USP33: variants seen among roughly 807,000 people sequenced by gnomAD.
The protein encoded by USP33 is ubiquitin carboxyl-terminal hydrolase 33.
USP33 carries 46 observed loss-of-function variants against 124.2 expected under a neutral mutation model. The ratio of observed to expected loss-of-function variants is 0.37; its 90% confidence interval spans 0.29 to 0.47. The LOEUF (loss-of-function observed/expected upper bound fraction) is 0.47. Ranked by LOEUF, USP33 falls within the 20% of genes least tolerant of loss-of-function variation. USP33 has a pLI of 0.99. For synonymous variants in USP33, 350 were observed against 352.3 expected (o/e 0.99, Z 0.07); for missense variants, 851 against 1,070.6 (o/e 0.79, Z 2.86).
intron 23 of USP33, 104 bp from the exon 24 acceptor site, chr1:77,697,578 A>T: frequency 7.5e-7 from 1 of 1,329,498 alleles, no homozygotes; most frequent in Non-Finnish European, 1.0e-6. Context: ...GATAATTGAG[A>T]ACTTCTGGAA....
At chr1:77,752,906 T>C (rs1018163047) in intron 1 of USP33, among the ~76,000 whole-genome samples, 2 of 151,576 alleles carry the variant, frequency 1.3e-5, no homozygotes, top group East Asian at 3.9e-4. Context: ...GGTGAAACCC[T>C]GTCTCTACTA....
chr1:77,741,488 A>T (rs1195758935), intron 2 of USP33, 59 bp from the exon 3 acceptor site: 2 of 1,546,700 alleles, frequency 1.3e-6, no homozygotes, highest in African/African-American at 2.8e-5. Flanking sequence ...CATACAATTC[A>T]CTAATGCACT....
In USP33 at chr1:77,714,787, T is replaced by C. The variant is rs1302392424; in HGVS notation, c.2046-4A>G. 6.2e-7 allele frequency: 1 copy of C among 1,609,212 alleles called. No individual in the cohort carries two copies. The highest frequency in any genetic ancestry group is 1.3e-5 in the African/African-American group (1 of 74,584). On this transcript the variant is annotated splice_region_variant and splice_polypyrimidine_tract_variant and intron_variant, in intron 18 of 23. Transcript: ENST00000370794. ...TTGTGCCTCTTCGCTGCTCTTCCTA[T>C]TAAGGACAATGATTAGTTAAATTCA... is the stretch of plus-strand genomic sequence containing the variant.
intron 1 of USP33, among the ~76,000 whole-genome samples, chr1:77,758,426 G>A (rs1021991387): frequency 1.3e-5 from 2 of 151,854 alleles, no homozygotes; most frequent in Non-Finnish European, 2.9e-5. Flanking sequence ...CGTGATCGTC[G>A]GCCTCCCAGA....
At chr1:77,740,592 G>A (rs1679015031) in intron 4 of USP33, among the ~76,000 whole-genome samples, 1 of 152,164 alleles carries the variant, frequency 6.6e-6, no homozygotes, top group Non-Finnish European at 1.5e-5. Flanking sequence ...CTGACCTCAG[G>A]TGATCCACCT....
chr1:77,705,801 T>C (rs977759576), intron 21 of USP33, among the ~76,000 whole-genome samples: 8 of 152,228 alleles, frequency 5.3e-5, no homozygotes, highest in Non-Finnish European at 8.8e-5. Flanking sequence ...CCACAAAAGC[T>C]GTCTTGCACC....
chr1:77,735,736 C>T (rs1557854720), intron 6 of USP33, among the ~76,000 whole-genome samples: 1 of 152,090 alleles, frequency 6.6e-6, no homozygotes, highest in Non-Finnish European at 1.5e-5. Context: ...AAGGGAATAC[C>T]TTTATACCTA....
At chr1:77,757,785 T>A (rs1488748055) in intron 1 of USP33, among the ~76,000 whole-genome samples, 1 of 152,244 alleles carries the variant, frequency 6.6e-6, no homozygotes, top group Non-Finnish European at 1.5e-5. Flanking sequence ...GAAATTCTGA[T>A]CCTTACACAA....
intron 1 of USP33, among the ~76,000 whole-genome samples, chr1:77,755,976 C>G (rs1299005366): frequency 6.6e-6 from 1 of 152,172 alleles, no homozygotes; most frequent in East Asian, 1.9e-4. Flanking sequence ...TCATCACTCT[C>G]CTGAATACTA....
chr1:77,751,418 T>C (rs998687249), intron 1 of USP33, among the ~76,000 whole-genome samples: 2 of 152,116 alleles, frequency 1.3e-5, no homozygotes, highest in African/African-American at 4.8e-5. Flanking sequence ...TTTAGGAGAC[T>C]GAGGCGGGAG....
chr1:77,734,132 A>C (rs946559725), intron 7 of USP33, among the ~76,000 whole-genome samples: 35 of 152,294 alleles, frequency 2.3e-4, no homozygotes, highest in African/African-American at 8.2e-4. Context: ...GCTCAAAGAC[A>C]CACAACTACC....
chr1:77,748,732 T>C (rs1385318236), intron 1 of USP33, among the ~76,000 whole-genome samples: 2 of 151,468 alleles, frequency 1.3e-5, no homozygotes, highest in Non-Finnish European at 2.9e-5. Context: ...AAATTTTGCA[T>C]TTCTGGGCAT....
rs746517950 is a variant in USP33, at chr1:77,711,764, A to G, written c.2389T>C (p.Leu797=). The part of the protein sequence containing the change: ...EKIEKRRKTE[L]EIFIRLNRAF... ...TTTTTTACCCGAATAAAAATTTCCA[A>G]TTCAGTTTTTCTTCTTTTTTCAATT... The change falls in exon 21 of 24, where the codon TTG becomes CTG. Residue 797 remains leucine (L), a synonymous_variant. Transcript: ENST00000370794. 22 of 1,608,542 alleles carry G rather than the reference A, an allele frequency of 1.4e-5. No individual in the cohort carries two copies. In the Admixed American group the frequency reaches 3.8e-4, roughly 28 times the overall value.
intron 21 of USP33, among the ~76,000 whole-genome samples, chr1:77,711,036 A>G (rs1451830943): frequency 6.6e-6 from 1 of 152,200 alleles, no homozygotes; most frequent in African/African-American, 2.4e-5. Flanking sequence ...AAAAGTGAGT[A>G]TATTTATAAG....
intron 1 of USP33, among the ~76,000 whole-genome samples, chr1:77,756,814 C>G (rs1282399362): frequency 6.6e-6 from 1 of 152,198 alleles, no homozygotes. Flanking sequence ...TCAAGATGCA[C>G]TTCAGAGAAA....
intron 17 of USP33, 132 bp downstream of exon 17, chr1:77,717,735 C>T: frequency 1.4e-6 from 1 of 729,582 alleles, no homozygotes; most frequent in Non-Finnish European, 2.0e-6. Context: ...GTCTCAAACT[C>T]CTGGCTTTAA....
chr1:77,720,599 T>C (rs1676464984), intron 15 of USP33: 1 of 985,384 alleles, frequency 1.0e-6, no homozygotes, highest in African/African-American at 1.7e-5. Flanking sequence ...ATTACAGAGA[T>C]TGAGAAGAAA....
intron 17 of USP33, among the ~76,000 whole-genome samples, chr1:77,717,286 G>A (rs868711634): frequency 1.6e-4 from 24 of 151,966 alleles, no homozygotes; most frequent in South Asian, 8.3e-4. Flanking sequence ...TCAGGAGATC[G>A]AGACCATCCT....
intron 5 of USP33, among the ~76,000 whole-genome samples, chr1:77,737,562 C>G (rs1678619926): frequency 6.6e-6 from 1 of 152,244 alleles, no homozygotes; most frequent in Admixed American, 6.5e-5. Flanking sequence ...AGTTTTGGAC[C>G]ACTAAAGAAA....
Sources: allele counts gnomAD v4.1 joint callset (sites outside exome capture counted in the v4.1 genomes callset), GRCh38; gene constraint gnomAD v4.1.1; transcripts MANE v1.5; gene names NCBI Gene and HGNC (gene_info 2026-07-23, HGNC 2026-07-21).